The following SLC35F1 variants were observed in gnomAD, a reference collection of about 807,000 sequenced individuals.
The protein encoded by SLC35F1 is chromosome 6 open reading frame 169.
In SLC35F1, 14 loss-of-function variants were observed where a neutral mutation model predicts 48.7. The observed-to-expected ratio is 0.29, with a 90% CI of 0.19 to 0.45. The LOEUF is 0.45. SLC35F1 is among the 20% of genes least tolerant of loss of function. The pLI is 1.00. For synonymous variants in SLC35F1, 190 were observed against 202.2 expected, an observed-to-expected ratio of 0.94 and a Z score of 0.51; for missense variants, 404 against 500.0, an observed-to-expected ratio of 0.81 and a Z score of 1.83.
At chr6:118,176,886 T>A (rs1451479363) in intron 2 of SLC35F1, among the ~76,000 whole-genome samples, 4 of 151,580 alleles carry the variant, frequency 2.6e-5, no homozygotes, top group African/African-American at 9.8e-5. Context: ...GTTTTTTTTG[T>A]ATACTCACAG....
intron 1 of SLC35F1, among the ~76,000 whole-genome samples, chr6:118,014,218 A>G (rs1052925680): frequency 2.8e-5 from 4 of 145,390 alleles, no homozygotes; most frequent in Non-Finnish European, 5.9e-5. Context: ...CCCAGCACAT[A>G]GTGAACACTT....
chr6:117,940,772 A>G lies in SLC35F1; in HGVS notation c.173+32873A>G, dbSNP rs1457745360. Among the ~76,000 whole-genome samples the G allele has an allele frequency of 2.0e-5, 3 of 152,078 alleles. No homozygotes were observed. The East Asian group carries it at 5.8e-4, about 29-fold the overall frequency. On this transcript the variant is annotated intron_variant, in intron 1 of 7. Coordinates refer to ENST00000360388, the MANE Select transcript of SLC35F1 (RefSeq NM_001029858.4). ...CAGGTGAACCTCCCACCTCAGCCACACGAGTAGCTGGGACTACAAGCACAT... is the reference window on the plus strand; with the variant it reads ...CAGGTGAACCTCCCACCTCAGCCACGCGAGTAGCTGGGACTACAAGCACAT...
In SLC35F1 at chr6:118,079,426, T is replaced by C. The variant is rs561406734; in HGVS notation, c.174-75019T>C. Among the ~76,000 whole-genome samples the C allele has an allele frequency of 7.2e-5, 11 of 152,346 alleles. No individual in the cohort carries two copies. In the East Asian group the frequency reaches 1.7e-3, roughly 24 times the overall value. Reference sequence around the variant, plus strand: ...ATCTGCCAGTGGAGCCAGGTTACTTTCATATTTTTGGCTCTTGTGAATATT... The same window carrying C: ...ATCTGCCAGTGGAGCCAGGTTACTTCCATATTTTTGGCTCTTGTGAATATT... On this transcript the variant is annotated intron_variant, in intron 1 of 7. Transcript: ENST00000360388.
intron 1 of SLC35F1, among the ~76,000 whole-genome samples, chr6:117,966,552 C>T (rs1165827774): frequency 6.6e-6 from 1 of 152,154 alleles, no homozygotes; most frequent in Non-Finnish European, 1.5e-5. Context: ...AAGGAAGAAA[C>T]TCCGGACACA....
intron 1 of SLC35F1, among the ~76,000 whole-genome samples, chr6:118,069,154 G>A (rs1246354096): frequency 3.3e-5 from 5 of 152,046 alleles, no homozygotes; most frequent in Admixed American, 2.0e-4. Flanking sequence ...ACATAATAAC[G>A]TGTTCATTTA....
chr6:117,945,004 A>G (rs1033630644), intron 1 of SLC35F1, among the ~76,000 whole-genome samples: 3 of 152,148 alleles, frequency 2.0e-5, no homozygotes, highest in Admixed American at 1.3e-4. Flanking sequence ...GGTTTGGGGG[A>G]AACAACAGTG....
At chr6:118,086,262 T>G (rs1169712605) in intron 1 of SLC35F1, among the ~76,000 whole-genome samples, 2 of 152,248 alleles carry the variant, frequency 1.3e-5, no homozygotes, top group Admixed American at 1.3e-4. Flanking sequence ...TAGGCTTTTC[T>G]TTCTTCCTTT....
intron 1 of SLC35F1, among the ~76,000 whole-genome samples, chr6:117,934,231 G>T (rs1424666890): frequency 6.6e-6 from 1 of 152,184 alleles, no homozygotes; most frequent in African/African-American, 2.4e-5. Context: ...GTGGTCCTCA[G>T]AAGTATGGTG....
At chr6:117,984,391 C>G (rs1027441739) in intron 1 of SLC35F1, among the ~76,000 whole-genome samples, 1 of 150,164 alleles carries the variant, frequency 6.7e-6, no homozygotes, top group East Asian at 2.0e-4. Context: ...CTCAGCTACT[C>G]AGGAGGCTGA....
At chr6:118,092,492 C>G (rs1324231995) in intron 1 of SLC35F1, among the ~76,000 whole-genome samples, 2 of 152,220 alleles carry the variant, frequency 1.3e-5, no homozygotes, top group African/African-American at 4.8e-5. Flanking sequence ...TGAGCCCCCA[C>G]ACAGAGTCCC....
chr6:117,947,752 A>G (rs1335500201), intron 1 of SLC35F1, among the ~76,000 whole-genome samples: 1 of 152,124 alleles, frequency 6.6e-6, no homozygotes, highest in African/African-American at 2.4e-5. Flanking sequence ...TCAGTGTTGT[A>G]TTTGGAATGT....
intron 1 of SLC35F1, among the ~76,000 whole-genome samples, chr6:118,071,269 T>C (rs1772720320): frequency 6.6e-6 from 1 of 150,816 alleles, no homozygotes; most frequent in Non-Finnish European, 1.5e-5. Context: ...GCTATATTGT[T>C]CACATGGTAC....
At chr6:118,113,943 T>C (rs1238883769) in intron 1 of SLC35F1, among the ~76,000 whole-genome samples, 1 of 152,246 alleles carries the variant, frequency 6.6e-6, no homozygotes, top group Non-Finnish European at 1.5e-5. Flanking sequence ...ATGATATATC[T>C]GCAATGTTCA....
At chr6:118,268,671 G>A (rs1396864283) in intron 4 of SLC35F1, among the ~76,000 whole-genome samples, 18 of 135,648 alleles carry the variant, frequency 1.3e-4, no homozygotes, top group Middle Eastern at 5.2e-3. Context: ...GTGCAGTGGC[G>A]TAATTTCAGC....
chr6:117,966,240 C>T (rs1776568103), intron 1 of SLC35F1, among the ~76,000 whole-genome samples: 2 of 150,776 alleles, frequency 1.3e-5, no homozygotes. Context: ...AATCTTGCTG[C>T]TGCTCACTCT....
At chr6:117,926,909 T>C (rs1275023221) in intron 1 of SLC35F1, among the ~76,000 whole-genome samples, 1 of 152,122 alleles carries the variant, frequency 6.6e-6, no homozygotes, top group Admixed American at 6.6e-5. Flanking sequence ...AGAGTTATGA[T>C]GTACTCTAAA....
At chr6:118,263,518 T>C (rs1233500924) in intron 3 of SLC35F1, among the ~76,000 whole-genome samples, 2 of 152,216 alleles carry the variant, frequency 1.3e-5, no homozygotes, top group African/African-American at 4.8e-5. Flanking sequence ...TTAAAGTATT[T>C]TTAATGTCCT....
chr6:118,019,199 A>G (rs560331901), intron 1 of SLC35F1, among the ~76,000 whole-genome samples: 88 of 151,540 alleles, frequency 5.8e-4, no homozygotes, highest in Non-Finnish European at 1.2e-3. Context: ...ATATTAAAAT[A>G]TATAGTATAT....
chr6:117,985,282 A>T (rs1427783627), intron 1 of SLC35F1, among the ~76,000 whole-genome samples: 1 of 152,244 alleles, frequency 6.6e-6, no homozygotes, highest in Non-Finnish European at 1.5e-5. Flanking sequence ...GAGTCAAATT[A>T]GCCCCTTGAA....
Sources: gnomAD v4.1 joint callset for allele counts (sites outside exome capture counted in the v4.1 genomes callset) on GRCh38, gnomAD v4.1.1 for gene constraint, MANE v1.5 for transcripts, NCBI Gene and HGNC (gene_info 2026-07-23, HGNC 2026-07-21) for gene names.